Variants in MGAM2 observed in about 807,000 individuals in gnomAD.
MGAM2 encodes the protein probable maltase-glucoamylase 2.
In MGAM2, 98 loss-of-function variants were observed where a neutral mutation model predicts 96.1. The observed-to-expected ratio is 1.02, with a 90% CI of 0.87 to 1.21. The LOEUF (loss-of-function observed/expected upper bound fraction) is 1.21. Among genes scored for constraint, MGAM2 ranks in the 50% most tolerant of loss-of-function variants. MGAM2 has a pLI of 0.00. For missense variants in MGAM2, 2,055 were observed against 1,182.4 expected (o/e 1.74, Z -10.82); for synonymous variants, 749 against 414.8 (o/e 1.81, Z -9.79).
Position 142,164,051 on chromosome 7 carries a change from G to A in MGAM2, c.2485-805G>A, listed in dbSNP as rs570112343. 6.6e-5 allele frequency among the ~76,000 whole-genome samples: 10 copies of A among 152,038 alleles called. No individual in the cohort carries two copies. In the South Asian group the frequency reaches 1.2e-3, roughly 19 times the overall value. ...TTACATTTAAGTCGTGATCTATTTTGAGTTAATTTTTATATAATATGTAAG... is the reference window on the plus strand; with the variant it reads ...TTACATTTAAGTCGTGATCTATTTTAAGTTAATTTTTATATAATATGTAAG... On this transcript the variant is annotated intron_variant, in intron 23 of 47. Coordinates refer to ENST00000477922, the MANE Select transcript of MGAM2 (RefSeq NM_001293626.2).
Position 142,172,093 on chromosome 7 carries a change from C to T in MGAM2, c.3352-5C>T. ...CTTTTTGTTTATTACCCTCGTGACT[C>T]CCAGTACAAGAAGAATTCCTATGGT... is the stretch of plus-strand genomic sequence containing the variant. On this transcript the variant is annotated splice_polypyrimidine_tract_variant and splice_region_variant and intron_variant, in intron 28 of 47. Transcript: ENST00000477922. 1 of 720,410 alleles carries T rather than the reference C, an allele frequency of 1.4e-6. No individual in the cohort carries two copies. Among genetic ancestry groups the T allele is most frequent in the East Asian group, 2.6e-5 (1 of 38,946 alleles). 44.6% of individuals were successfully genotyped at this position (720,410 alleles called of 1,614,324 possible).
At chr7:142,215,246 A>G (rs1797720206) in intron 46 of MGAM2, among the ~76,000 whole-genome samples, 1 of 152,172 alleles carries the variant, frequency 6.6e-6, no homozygotes. Context: ...GTGGGAGTTG[A>G]ATAATGAGAA....
chr7:142,215,376 G>T (rs182489531), intron 46 of MGAM2, among the ~76,000 whole-genome samples: 36 of 152,004 alleles, frequency 2.4e-4, no homozygotes, highest in African/African-American at 7.5e-4. Context: ...GTTGATGGAT[G>T]CAGCAAACCA....
intron 1 of MGAM2, among the ~76,000 whole-genome samples, chr7:142,112,041 T>C (rs1287857408): frequency 7.2e-6 from 1 of 139,204 alleles, no homozygotes; most frequent in East Asian, 2.0e-4. Flanking sequence ...TGTGTGTGTG[T>C]GTGGTGTCAG....
chr7:142,132,570 T>G (rs1479003462), intron 6 of MGAM2, among the ~76,000 whole-genome samples: 1 of 130,580 alleles, frequency 7.7e-6, no homozygotes, highest in Non-Finnish European at 1.5e-5. Flanking sequence ...TCCATATACT[T>G]TATATAATTT....
chr7:142,205,574 C>T (rs189921412), intron 45 of MGAM2, among the ~76,000 whole-genome samples: 17 of 152,138 alleles, frequency 1.1e-4, no homozygotes, highest in Admixed American at 7.9e-4. Context: ...TGTTGTTGAA[C>T]ATCTTTACAT....
In MGAM2 at chr7:142,221,092, C is replaced by T. The variant is rs1384011647; in HGVS notation, c.6581C>T (p.Thr2194Ile). The change falls in exon 48 of 48, where the codon ACT becomes ATT. Residue 2194 changes from threonine to isoleucine, a missense_variant. By Grantham distance (89) the Thr-to-Ile change is moderately conservative. Transcript: ENST00000477922. ...PSLANTGVDT[T>I]SNSFSIMTTS... Reference sequence around the variant, plus strand: ...CTTGCAAATACTGGTGTTGACACTACTAGCAACAGTTTTTCCATTATGACC... The same window carrying T: ...CTTGCAAATACTGGTGTTGACACTATTAGCAACAGTTTTTCCATTATGACC... 4.3e-6 allele frequency: 3 copies of T among 702,520 alleles called. No homozygotes were observed. The highest frequency in any genetic ancestry group is 5.4e-5 in the East Asian group (2 of 37,246). 43.5% of individuals were successfully genotyped at this position (702,520 alleles called of 1,614,324 possible).
At chr7:142,140,582 G>A (rs1232901787) in intron 10 of MGAM2, among the ~76,000 whole-genome samples, 3 of 152,184 alleles carry the variant, frequency 2.0e-5, no homozygotes, top group African/African-American at 7.2e-5. Flanking sequence ...AATACCTTAT[G>A]ACATGCACCT....
chr7:142,188,488 A>G (rs921412522), intron 36 of MGAM2, among the ~76,000 whole-genome samples: 1 of 152,058 alleles, frequency 6.6e-6, no homozygotes, highest in African/African-American at 2.4e-5. Context: ...AACAACAACA[A>G]AAGGCATTAT....
At chr7:142,193,975 A>T (rs1253041979) in intron 37 of MGAM2, among the ~76,000 whole-genome samples, 1 of 151,902 alleles carries the variant, frequency 6.6e-6, no homozygotes, top group Admixed American at 6.6e-5. Flanking sequence ...CTAATACTTA[A>T]AATGTTGAAC....
chr7:142,163,101 G>T (rs1795936899), intron 23 of MGAM2, among the ~76,000 whole-genome samples: 1 of 152,158 alleles, frequency 6.6e-6, no homozygotes, highest in Non-Finnish European at 1.5e-5. Flanking sequence ...CATCCAAGTT[G>T]TGTGTGACAA....
At chr7:142,163,522 C>T (rs566059038) in intron 23 of MGAM2, among the ~76,000 whole-genome samples, 6 of 152,242 alleles carry the variant, frequency 3.9e-5, no homozygotes, top group African/African-American at 7.2e-5. Context: ...CCTCATGATC[C>T]GCCCGCCTCA....
In MGAM2 at chr7:142,185,975, T is replaced by G. The variant is rs1423925215; in HGVS notation, c.3988-14T>G. On this transcript the variant is annotated splice_polypyrimidine_tract_variant and intron_variant, in intron 34 of 47. Coordinates refer to ENST00000477922, the MANE Select transcript of MGAM2 (RefSeq NM_001293626.2). Reference sequence around the variant, plus strand: ...CTGAGACCCCGACAATGAGAGTGTGTGTTATTCTTACAGCTTTACAGGGCC... The same window carrying G: ...CTGAGACCCCGACAATGAGAGTGTGGGTTATTCTTACAGCTTTACAGGGCC... 7.1e-6 allele frequency: 5 copies of G among 702,752 alleles called. No individual in the cohort carries two copies. Among genetic ancestry groups the G allele is most frequent in the African/African-American group, 1.7e-5 (1 of 57,240 alleles). The allele number at this position is 702,752 out of a possible 1,614,324, so 43.5% of individuals were successfully genotyped here.
chr7:142,195,275 C>T (rs1158871962), intron 37 of MGAM2, among the ~76,000 whole-genome samples: 1 of 151,036 alleles, frequency 6.6e-6, no homozygotes, highest in Non-Finnish European at 1.5e-5. Flanking sequence ...CTCAAGCAGT[C>T]CTTCTGCCTT....
intron 6 of MGAM2, among the ~76,000 whole-genome samples, chr7:142,132,419 A>C (rs1249035322): frequency 7.1e-6 from 1 of 141,236 alleles, no homozygotes; most frequent in Non-Finnish European, 1.5e-5. Flanking sequence ...ATAATAATAT[A>C]TTATTACTAT....
At chr7:142,194,033 CTTCT>C (rs1457123130) in intron 37 of MGAM2, among the ~76,000 whole-genome samples, 6 of 136,626 alleles carry the variant, frequency 4.4e-5, no homozygotes, top group African/African-American at 1.8e-4. Flanking sequence ...TTTCTTTCTT[CTTCT>C]TTTTTTTTTT....
chr7:142,154,246 A>G (rs766863891), intron 16 of MGAM2, 57 bp downstream of exon 16: 20 of 533,812 alleles, frequency 3.7e-5, no homozygotes, highest in Non-Finnish European at 6.2e-5. Flanking sequence ...CATTCTTTTA[A>G]TTAGCAGTCT....
At chr7:142,201,231 C>G (rs1238031127) in intron 45 of MGAM2, among the ~76,000 whole-genome samples, 6 of 151,548 alleles carry the variant, frequency 4.0e-5, no homozygotes, top group Non-Finnish European at 8.8e-5. Flanking sequence ...GCACAACACC[C>G]ACTAATTTTT....
chr7:142,131,765 T>G (rs773351988), intron 5 of MGAM2, 138 bp downstream of exon 5: 3 of 616,356 alleles, frequency 4.9e-6, no homozygotes, highest in Non-Finnish European at 8.7e-6. Context: ...TAATTTTTAT[T>G]TGATGGGGCA....
Sources: gnomAD v4.1 joint callset for allele counts (sites outside exome capture counted in the v4.1 genomes callset) on GRCh38, gnomAD v4.1.1 for gene constraint, MANE v1.5 for transcripts, NCBI Gene and HGNC (gene_info 2026-07-23, HGNC 2026-07-21) for gene names.